The following ITIH5 variants were observed in gnomAD, a reference collection of about 807,000 sequenced individuals.
The protein encoded by ITIH5 is inter-alpha-trypsin inhibitor heavy chain H5.
Under a neutral mutation model 77.5 loss-of-function variants are expected in ITIH5, and 65 were observed. The ratio of observed to expected loss-of-function variants is 0.84; its 90% CI spans 0.69 to 1.03. ITIH5 has a LOEUF of 1.03. Ranked by LOEUF, ITIH5 falls within the 50% of genes least tolerant of loss-of-function variation. The probability of loss-of-function intolerance (pLI) is 0.00; values close to 1 mark genes in which losing one functional copy is unlikely to be tolerated. For synonymous variants in ITIH5, 525 were observed against 494.3 expected, an observed-to-expected ratio of 1.06 and a Z score of -0.82; for missense variants, 1,208 against 1,213.1, an observed-to-expected ratio of 1.00 and a Z score of 0.06.
rs982540784 is a variant in ITIH5 at position 7,617,231 on chromosome 10, G to A, written c.704C>T (p.Ala235Val). 2.0e-5 allele frequency: 32 copies of A among 1,598,942 alleles called. No individual in the cohort carries two copies. The highest frequency in any genetic ancestry group is 2.6e-5 in the Non-Finnish European group (31 of 1,173,490). ...STVINQNETFANIIFKPTVVQ... is the reference protein window; with the variant it reads ...STVINQNETFVNIIFKPTVVQ... ...TACAGTAGGTTTAAAAATTATGTTG[G>A]CAAATGTTTCATTTTGGTTAATGAC... is the stretch of plus-strand genomic sequence containing the variant. Residue 235 changes from alanine (A) to valine (V), a missense_variant, in exon 6 of 14, where the codon GCC (alanine) becomes GTC (valine). Physicochemically the swap from Ala to Val is moderately conservative, Grantham distance 64 (BLOSUM62 0). Coordinates refer to ENST00000397146, the MANE Select transcript of ITIH5 (RefSeq NM_030569.7).
chr10:7,605,002 A>G (rs1329999818), intron 7 of ITIH5, among the ~76,000 whole-genome samples: 1 of 152,000 alleles, frequency 6.6e-6, no homozygotes, highest in East Asian at 1.9e-4. Context: ...TTGTATTTTT[A>G]GTAGAAACGA....
intron 7 of ITIH5, among the ~76,000 whole-genome samples, chr10:7,588,111 C>T (rs1381649102): frequency 2.6e-5 from 4 of 152,210 alleles, no homozygotes; most frequent in Non-Finnish European, 5.9e-5. Context: ...AGGCCAGGTG[C>T]GGTGGCTCAT....
chr10:7,569,814 A>G, intron 11 of ITIH5, 30 bp from the exon 12 acceptor site: 6 of 1,395,814 alleles, frequency 4.3e-6, no homozygotes, highest in Non-Finnish European at 6.0e-6. Flanking sequence ...CGGAGAGAAA[A>G]AGAAAGACAC....
At chr10:7,649,576 C>T (rs1834063807) in intron 2 of ITIH5, among the ~76,000 whole-genome samples, 2 of 152,128 alleles carry the variant, frequency 1.3e-5, no homozygotes, top group Admixed American at 6.6e-5. Flanking sequence ...ACTATAAGAC[C>T]TTCCAGTGTT....
chr10:7,640,842 T>G lies in ITIH5; in HGVS notation c.313A>C (p.Lys105Gln), dbSNP rs754860560. The change falls in exon 4 of 14, where the codon AAG (lysine) becomes CAG (glutamine). Residue 105 changes from lysine to glutamine, a missense_variant. Physicochemically the swap from Lys to Gln is moderately conservative, Grantham distance 53. Coordinates refer to ENST00000397146, the MANE Select transcript of ITIH5 (RefSeq NM_030569.7). Reference protein sequence around the residue: ...ITNFTMLIGDKVYQGEITERE... With the variant: ...ITNFTMLIGDQVYQGEITERE... ...TCTGTAATTTCGCCCTGATACACCT[T>G]GTCTCCAATAAGCCTGAAATACAAG... 3 of 1,611,288 alleles carry G rather than the reference T, an allele frequency of 1.9e-6. No homozygotes were observed. The highest frequency in any genetic ancestry group is 2.2e-5 in the South Asian group (2 of 90,986).
At chr10:7,579,139 A>G (rs371221884) in intron 9 of ITIH5, among the ~76,000 whole-genome samples, 46 of 152,364 alleles carry the variant, frequency 3.0e-4, no homozygotes, top group African/African-American at 1.1e-3. Context: ...TGCTATACAT[A>G]GTGTTTTTAT....
chr10:7,643,072 A>G (rs1358024740), intron 2 of ITIH5, among the ~76,000 whole-genome samples: 2 of 152,164 alleles, frequency 1.3e-5, no homozygotes, highest in African/African-American at 2.4e-5. Context: ...GATGGGATTA[A>G]TGCCCTTAAG....
intron 7 of ITIH5, among the ~76,000 whole-genome samples, chr10:7,603,221 G>T (rs1833051215): frequency 6.6e-6 from 1 of 152,200 alleles, no homozygotes; most frequent in Non-Finnish European, 1.5e-5. Flanking sequence ...CAATAAAAAA[G>T]AATGAAGTGC....
chr10:7,622,546 TG>T (rs1833490800), intron 5 of ITIH5: 1 of 152,112 alleles, frequency 6.6e-6, no homozygotes, highest in Admixed American at 6.6e-5. Flanking sequence ...AAAATGCTCT[TG>T]GATAACATAC....
chr10:7,619,596 G>T, intron 5 of ITIH5: 1 of 393,018 alleles, frequency 2.5e-6, no homozygotes, highest in Non-Finnish European at 5.3e-6. Context: ...CGCATGGCTG[G>T]GGAAGCCTCG....
rs764538522 is a variant in ITIH5, at chr10:7,586,075, C to A, written c.940-6G>T. 20 of 1,609,450 alleles carry A rather than the reference C, an allele frequency of 1.2e-5. No homozygotes were observed. In the South Asian group the frequency reaches 2.1e-4, roughly 17 times the overall value. ...GTGAAGAGGGCATCCTTGGTCTAGG[C>A]AAACACAAAAGCAAAACCAGTCACA... On this transcript the variant is annotated splice_region_variant and splice_polypyrimidine_tract_variant and intron_variant, in intron 7 of 13. Transcript: ENST00000397146.
intron 6 of ITIH5, 139 bp downstream of exon 6, chr10:7,616,974 G>C (rs1194429123): frequency 1.9e-6 from 1 of 540,308 alleles, no homozygotes; most frequent in Non-Finnish European, 3.1e-6. Flanking sequence ...TAGTCTCTTT[G>C]AAGAAATACT....
chr10:7,563,585 C>A (rs928728008), intron 13 of ITIH5, among the ~76,000 whole-genome samples: 2 of 152,168 alleles, frequency 1.3e-5, no homozygotes, highest in African/African-American at 4.8e-5. Context: ...TGGGATTTAC[C>A]CATGACTGCT....
Position 7,566,057 on chromosome 10 carries a change from G to C in ITIH5, c.2500C>G (p.Leu834Val). 6.2e-7 allele frequency: 1 copy of C among 1,614,048 alleles called. No individual in the cohort carries two copies. The highest frequency in any genetic ancestry group is 1.1e-5 in the South Asian group (1 of 91,066). ...AGCAGTCCGTGGCAGTTGCTGGAAA[G>C]GCCCTCGCTGTTGGCAATGTAGAAA... Reference protein sequence around the residue: ...LGFYIANSEGLSSNCHGLLGQ... With the variant: ...LGFYIANSEGVSSNCHGLLGQ... Residue 834 changes from leucine (L) to valine (V), a missense_variant, in exon 13 of 14, where the codon CTT becomes GTT. Leu to Val is a conservative substitution (Grantham distance 32). Coordinates refer to ENST00000397146, the MANE Select transcript of ITIH5 (RefSeq NM_030569.7).
chr10:7,574,532 G>A (rs1337265411), intron 10 of ITIH5, among the ~76,000 whole-genome samples: 5 of 152,084 alleles, frequency 3.3e-5, no homozygotes. Flanking sequence ...AGTGGCTCAT[G>A]CCTGTAATCC....
intron 5 of ITIH5, chr10:7,618,361 G>C (rs750950600): frequency 2.6e-5 from 4 of 151,920 alleles, no homozygotes; most frequent in Admixed American, 1.3e-4. Flanking sequence ...CAGATAAATG[G>C]ATATTATGTA....
chr10:7,608,398 G>A (rs1287437104), intron 7 of ITIH5, among the ~76,000 whole-genome samples: 3 of 152,154 alleles, frequency 2.0e-5, no homozygotes, highest in African/African-American at 7.2e-5. Context: ...TCCTACCTCA[G>A]CCTCCTAAGT....
chr10:7,651,475 C>T (rs1455223579), intron 2 of ITIH5, among the ~76,000 whole-genome samples: 9 of 151,970 alleles, frequency 5.9e-5, no homozygotes, highest in Non-Finnish European at 7.4e-5. Context: ...CCCAGGTACT[C>T]GGGAGGCCTC....
intron 2 of ITIH5, among the ~76,000 whole-genome samples, chr10:7,648,761 AAATGTGAAAACTAGAAGATACCTG>A (rs551002059): frequency 1.8e-4 from 28 of 152,314 alleles, no homozygotes; most frequent in African/African-American, 6.3e-4. Flanking sequence ...ATTTAATTTA[AAATGTGAAAACTAGAAGATACCTG>A]ACAATATTAA....
Sources: gnomAD v4.1 joint callset for allele counts (sites outside exome capture counted in the v4.1 genomes callset) on GRCh38, gnomAD v4.1.1 for gene constraint, MANE v1.5 for transcripts, NCBI Gene and HGNC (gene_info 2026-07-23, HGNC 2026-07-21) for gene names.